Variants in WWOX observed in about 807,000 individuals in gnomAD.
WWOX encodes the protein WW domain containing oxidoreductase, also known as WW domain-containing oxidoreductase.
A neutral mutation model predicts 46.2 loss-of-function variants in WWOX; 69 were observed. That is an observed-to-expected ratio of 1.49 (90% CI 1.23 to 1.82). The LOEUF is 1.82. Ranked by LOEUF, WWOX falls within the 40% of genes most tolerant of loss-of-function variation. The probability of loss-of-function intolerance (pLI) is 0.00; values close to 1 mark genes in which losing one functional copy is unlikely to be tolerated. For synonymous variants in WWOX, 359 were observed against 202.6 expected, an observed-to-expected ratio of 1.77 and a Z score of -6.56; for missense variants, 919 against 542.6, an observed-to-expected ratio of 1.69 and a Z score of -6.89.
chr16:78,661,963 G>A (rs72794735), intron 8 of WWOX, among the ~76,000 whole-genome samples: 5,075 of 152,268 alleles, frequency 0.033, 113 homozygotes, highest in Non-Finnish European at 0.051. Context: ...AGGATCATTT[G>A]AGCCCGGTAG....
intron 8 of WWOX, among the ~76,000 whole-genome samples, chr16:78,741,421 G>A (rs1283756491): frequency 5.3e-5 from 8 of 152,130 alleles, no homozygotes; most frequent in South Asian, 2.1e-4. Context: ...AATAGCTGGC[G>A]TGGTGGCGCA....
intron 8 of WWOX, among the ~76,000 whole-genome samples, chr16:78,649,012 C>T (rs1453909263): frequency 3.3e-5 from 5 of 152,100 alleles, no homozygotes; most frequent in African/African-American, 9.7e-5. Flanking sequence ...CTCGCTCTGT[C>T]ACCCAGGCTG....
At chr16:79,105,268 T>C (rs2049285558) in intron 8 of WWOX, among the ~76,000 whole-genome samples, 1 of 152,146 alleles carries the variant, frequency 6.6e-6, no homozygotes, top group Non-Finnish European at 1.5e-5. Flanking sequence ...TTTATTTTGA[T>C]AGTGAAAACA....
chr16:78,146,475 C>T (rs901349863), intron 4 of WWOX, among the ~76,000 whole-genome samples: 1 of 152,160 alleles, frequency 6.6e-6, no homozygotes, highest in African/African-American at 2.4e-5. Flanking sequence ...TAAAATCAGC[C>T]TCAGCTGGAA....
At chr16:78,306,188 G>C (rs2080131542) in intron 5 of WWOX, among the ~76,000 whole-genome samples, 1 of 152,086 alleles carries the variant, frequency 6.6e-6, no homozygotes, top group African/African-American at 2.4e-5. Context: ...TTCATCCAAA[G>C]AAAGAACAAA....
intron 5 of WWOX, among the ~76,000 whole-genome samples, chr16:78,227,061 C>T (rs543714188): frequency 3.3e-5 from 5 of 152,174 alleles, no homozygotes; most frequent in Non-Finnish European, 5.9e-5. Context: ...TTCAGCTTCC[C>T]GTTCTGATCC....
intron 5 of WWOX, among the ~76,000 whole-genome samples, chr16:78,218,068 T>C (rs2036779887): frequency 6.6e-6 from 1 of 152,088 alleles, no homozygotes; most frequent in African/African-American, 2.4e-5. Flanking sequence ...TCTTTTTTCT[T>C]TTTAAGACAG....
intron 8 of WWOX, among the ~76,000 whole-genome samples, chr16:79,044,019 C>G (rs1459616019): frequency 1.3e-5 from 2 of 152,334 alleles, no homozygotes; most frequent in East Asian, 1.9e-4. Flanking sequence ...GTTATGTGCT[C>G]TCTCCTAGAG....
chr16:78,154,805 A>T (rs751295365), intron 4 of WWOX, among the ~76,000 whole-genome samples: 8 of 152,134 alleles, frequency 5.3e-5, no homozygotes, highest in Non-Finnish European at 8.8e-5. Context: ...GATCAGTGGG[A>T]GATGTTCTTT....
At chr16:78,478,484 T>G (rs1399969211) in intron 8 of WWOX, among the ~76,000 whole-genome samples, 3 of 152,132 alleles carry the variant, frequency 2.0e-5, no homozygotes, top group South Asian at 2.1e-4. Context: ...TTCCCTCCCT[T>G]CCACAAAACA....
rs542616341 is a variant in WWOX at position 78,658,869 on chromosome 16, A to G, written c.1056+226117A>G. Reference sequence around the variant, plus strand: ...AATTTTGGGAGGCCGAGGCAGGCGGATCACTTGAGGTCAGGAGTTTGAGAC... The same window carrying G: ...AATTTTGGGAGGCCGAGGCAGGCGGGTCACTTGAGGTCAGGAGTTTGAGAC... On this transcript the variant is annotated intron_variant, in intron 8 of 8. Transcript: ENST00000566780. 1.8e-3 allele frequency among the ~76,000 whole-genome samples: 271 copies of G among 151,064 alleles called. 1 individual carries two copies. The highest frequency in any genetic ancestry group is 0.01 in the Middle Eastern group (3 of 294).
chr16:78,691,432 C>G (rs937017094), intron 8 of WWOX: 3 of 625,206 alleles, frequency 4.8e-6, no homozygotes, highest in Non-Finnish European at 8.6e-6. Flanking sequence ...CATGGTGGTT[C>G]ACACCTGTAA....
At chr16:78,370,763 C>A (rs966424120) in intron 5 of WWOX, among the ~76,000 whole-genome samples, 1 of 123,680 alleles carries the variant, frequency 8.1e-6, no homozygotes, top group Non-Finnish European at 1.7e-5. Context: ...AACTTTTAAA[C>A]TTTAAACTTT....
chr16:78,715,825 C>G (rs780792059), intron 8 of WWOX, among the ~76,000 whole-genome samples: 1 of 152,134 alleles, frequency 6.6e-6, no homozygotes, highest in Non-Finnish European at 1.5e-5. Flanking sequence ...TAGAATCTAT[C>G]AACTCCCTTC....
intron 6 of WWOX, among the ~76,000 whole-genome samples, chr16:78,413,669 A>G (rs968941186): frequency 2.6e-5 from 4 of 151,234 alleles, no homozygotes; most frequent in African/African-American, 9.7e-5. Flanking sequence ...GTCACTGGGG[A>G]TATGATGGCT....
intron 8 of WWOX, among the ~76,000 whole-genome samples, chr16:78,660,391 T>G (rs995285717): frequency 6.6e-6 from 1 of 152,108 alleles, no homozygotes; most frequent in Admixed American, 6.6e-5. Context: ...TTGGAGACAT[T>G]GATATGCTTC....
intron 8 of WWOX, among the ~76,000 whole-genome samples, chr16:78,882,824 A>T (rs2044371692): frequency 7.2e-6 from 1 of 138,728 alleles, no homozygotes; most frequent in Non-Finnish European, 1.6e-5. Context: ...CAATGCCACC[A>T]TTTAAAAAAA....
chr16:78,641,960 C>G (rs901162511), intron 8 of WWOX, among the ~76,000 whole-genome samples: 2 of 152,066 alleles, frequency 1.3e-5, no homozygotes, highest in African/African-American at 4.8e-5. Context: ...ATTATTCCTC[C>G]CCTTTTATCA....
At chr16:79,068,995 T>C (rs1267027257) in intron 8 of WWOX, among the ~76,000 whole-genome samples, 1 of 152,144 alleles carries the variant, frequency 6.6e-6, no homozygotes, top group Non-Finnish European at 1.5e-5. Context: ...GCATCTATCT[T>C]GGTGTGCACC....
Sources: allele counts gnomAD v4.1 joint callset (sites outside exome capture counted in the v4.1 genomes callset), GRCh38; gene constraint gnomAD v4.1.1; transcripts MANE v1.5; gene names NCBI Gene and HGNC (gene_info 2026-07-23, HGNC 2026-07-21).